STK32A: variants seen among roughly 807,000 people sequenced by gnomAD.
The protein encoded by STK32A is serine/threonine-protein kinase 32A.
A neutral mutation model predicts 53.2 loss-of-function variants in STK32A; 41 were observed. The observed-to-expected ratio is 0.77, with a 90% CI of 0.60 to 1.00. The LOEUF is 1.00. STK32A is among the 50% of genes least tolerant of loss of function. The pLI is 0.00. For synonymous variants in STK32A, 166 were observed against 162.8 expected, an observed-to-expected ratio of 1.02 and a Z score of -0.15; for missense variants, 458 against 485.8, an observed-to-expected ratio of 0.94 and a Z score of 0.54.
At chr5:147,238,475 C>T (rs1178870751) in intron 1 of STK32A, among the ~76,000 whole-genome samples, 1 of 152,178 alleles carries the variant, frequency 6.6e-6, no homozygotes, top group Non-Finnish European at 1.5e-5. Context: ...GACTGGAACA[C>T]AGGATGCTGC....
At chr5:147,381,719 C>T (rs1757462174) in intron 11 of STK32A, among the ~76,000 whole-genome samples, 1 of 151,958 alleles carries the variant, frequency 6.6e-6, no homozygotes, top group South Asian at 2.1e-4. Flanking sequence ...TTGGGATACA[C>T]TGTGCCTTTT....
At chr5:147,379,043 T>C (rs1757349746) in intron 11 of STK32A, among the ~76,000 whole-genome samples, 1 of 151,840 alleles carries the variant, frequency 6.6e-6, no homozygotes, top group Non-Finnish European at 1.5e-5. Context: ...ATGATATTGA[T>C]TCTATCTGGG....
At chr5:147,259,316 A>G (rs1754385736) in intron 2 of STK32A, among the ~76,000 whole-genome samples, 1 of 152,176 alleles carries the variant, frequency 6.6e-6, no homozygotes. Context: ...TTACTTTTCT[A>G]CTTCCTTCTG....
chr5:147,388,969 C>T (rs928061370), downstream of STK32A, among the ~76,000 whole-genome samples: 1 of 152,144 alleles, frequency 6.6e-6, no homozygotes, highest in Non-Finnish European at 1.5e-5. Context: ...TGAGTTAGAG[C>T]CATAAAATGG....
At position 147,372,269 on chromosome 5, in the gene STK32A, C is replaced by CTTTTTTTTTTTTTTTTT. The variant is rs71274369; in HGVS notation, c.778-886_778-870dup. 6.1e-5 allele frequency among the ~76,000 whole-genome samples: 3 copies of CTTTTTTTTTTTTTTTTT among 49,350 alleles called. 1 individual carries two copies. Among genetic ancestry groups the CTTTTTTTTTTTTTTTTT allele is most frequent in the African/African-American group, 2.4e-4 (3 of 12,308 alleles). 32.4% of individuals were successfully genotyped at this position (49,350 alleles called of 152,430 possible). A position where few individuals can be genotyped will look rare whatever the true frequency, so the allele number is the denominator to read the frequency against. ...GGGGCCCAAGAGGAATGGGCTTGGC[C>CTTTTTTTTTTTTTTTTT]TTTTTTTTTTTTTTTTTTTTTTTTT... On this transcript the variant is annotated intron_variant, in intron 9 of 12. Transcript: ENST00000397936.
At chr5:147,267,149 G>T (rs1227178560) in intron 2 of STK32A, among the ~76,000 whole-genome samples, 1 of 151,980 alleles carries the variant, frequency 6.6e-6, no homozygotes, top group Non-Finnish European at 1.5e-5. Context: ...CCTATTCTCT[G>T]CCAAAAATGG....
At position 147,324,029 on chromosome 5, in the gene STK32A, T is replaced by C. The variant is rs2151978193; in HGVS notation, c.392T>C (p.Val131Ala). 1 of 1,610,400 alleles carries C rather than the reference T, an allele frequency of 6.2e-7. No individual in the cohort carries two copies. Among genetic ancestry groups the C allele is most frequent in the Non-Finnish European group, 8.5e-7 (1 of 1,178,396 alleles). ...ETVKLFICEL[V>A]MALDYLQNQR... is the part of the protein sequence containing the mutation. ...GTGAAGCTCTTCATCTGTGAGCTGGTCATGGCCCTGGACTACCTGCAGAAC... is the reference window on the plus strand; with the variant it reads ...GTGAAGCTCTTCATCTGTGAGCTGGCCATGGCCCTGGACTACCTGCAGAAC... The change falls in exon 5 of 13, where the codon GTC becomes GCC. Residue 131 changes from valine (V) to alanine (A), a missense_variant. By Grantham distance (64) the Val-to-Ala change is moderately conservative. Coordinates refer to ENST00000397936, the MANE Select transcript of STK32A (RefSeq NM_001112724.2).
intron 2 of STK32A, among the ~76,000 whole-genome samples, chr5:147,258,173 T>TTTTTTTTTTTTTTTTTGAGACGG (rs1466872220): frequency 2.7e-5 from 4 of 148,578 alleles, no homozygotes; most frequent in East Asian, 1.9e-4. Flanking sequence ...TAATTTTTGT[T>TTTTTTTTTTTTTTTTTGAGACGG]AAAGAGCAGG....
At chr5:147,360,382 T>G (rs1430775334) in intron 7 of STK32A, among the ~76,000 whole-genome samples, 1 of 139,266 alleles carries the variant, frequency 7.2e-6, no homozygotes, top group Non-Finnish European at 1.5e-5. Context: ...GTCTGGGAGG[T>G]CGAGGCTGCA....
In STK32A at chr5:147,260,295, G is replaced by GTCTCTCTC. The variant is rs71001423; in HGVS notation, c.53-17813_53-17806dup. Among the ~76,000 whole-genome samples the GTCTCTCTC allele has an allele frequency of 7.4e-3, 873 of 117,306 alleles. 18 individuals are homozygous for GTCTCTCTC. The highest frequency in any genetic ancestry group is 0.026 in the African/African-American group (814 of 30,846). 77.0% of individuals were successfully genotyped at this position (117,306 alleles called of 152,430 possible). A position where few individuals can be genotyped will look rare whatever the true frequency, so the allele number is the denominator to read the frequency against. ...CCCTCTCTGTCTCTCTCTCTCGCCT[G>GTCTCTCTC]TCTCTCTCTCTCTCTCTCTCTCTTC... On this transcript the variant is annotated intron_variant, in intron 2 of 12. Transcript: ENST00000397936.
chr5:147,263,650 T>C (rs35469676), intron 2 of STK32A, among the ~76,000 whole-genome samples: 45,070 of 151,852 alleles, frequency 0.3, 7,066 homozygotes, highest in African/African-American at 0.36. Flanking sequence ...TTAGAAGATA[T>C]ATTTAAAGAA....
chr5:147,373,146 T>A (rs1259149582), intron 9 of STK32A, 23 bp from the exon 10 acceptor site: 1 of 1,612,624 alleles, frequency 6.2e-7, no homozygotes, highest in East Asian at 2.2e-5. Context: ...CTTATGGCCT[T>A]GATGTTTGCA....
At chr5:147,268,998 A>G (rs1197867366) in intron 2 of STK32A, among the ~76,000 whole-genome samples, 1 of 152,170 alleles carries the variant, frequency 6.6e-6, no homozygotes. Flanking sequence ...TGCAGTAAAG[A>G]ACAGTGTTGG....
intron 7 of STK32A, among the ~76,000 whole-genome samples, chr5:147,357,944 G>T (rs1331246113): frequency 2.0e-5 from 3 of 151,890 alleles, no homozygotes; most frequent in South Asian, 4.1e-4. Flanking sequence ...AGCTTTATAG[G>T]TTAATACATG....
chr5:147,259,870 C>CTCTCTCCCCTGTCTCTCTCTT (rs1449376442), intron 2 of STK32A, among the ~76,000 whole-genome samples: 5 of 136,330 alleles, frequency 3.7e-5, no homozygotes, highest in Non-Finnish European at 8.1e-5. Context: ...TCTCTTCTGT[C>CTCTCTCCCCTGTCTCTCTCTT]TCTCTCTCCT....
At chr5:147,391,759 GAAGA>G (rs1198315750), downstream of STK32A, 2 of 152,212 alleles carry the variant, frequency 1.3e-5, no homozygotes, top group Non-Finnish European at 2.9e-5. Context: ...AATGGTAAGT[GAAGA>G]AAGAGAGGCT....
chr5:147,328,471 G>A (rs1173244573), intron 5 of STK32A, among the ~76,000 whole-genome samples: 1 of 152,082 alleles, frequency 6.6e-6, no homozygotes, highest in African/African-American at 2.4e-5. Context: ...TTCTATCGTT[G>A]TTAAAGACAC....
chr5:147,260,213 C>G (rs1407269621), intron 2 of STK32A, among the ~76,000 whole-genome samples: 2 of 40,034 alleles, frequency 5.0e-5, no homozygotes, highest in Admixed American at 3.4e-4. Context: ...TCTCTCTCTC[C>G]TCTCTCTCTC....
At chr5:147,339,408 A>G (rs924386830) in intron 5 of STK32A, among the ~76,000 whole-genome samples, 4 of 152,232 alleles carry the variant, frequency 2.6e-5, no homozygotes, top group East Asian at 1.9e-4. Context: ...GTTGTGCTAC[A>G]TGGGCAGAGC....
Sources: gnomAD v4.1 joint callset for allele counts (sites outside exome capture counted in the v4.1 genomes callset) on GRCh38, gnomAD v4.1.1 for gene constraint, MANE v1.5 for transcripts, NCBI Gene and HGNC (gene_info 2026-07-23, HGNC 2026-07-21) for gene names.